DENND10: variants seen among roughly 807,000 people sequenced by gnomAD.
The protein encoded by DENND10 is DENN domain-containing protein 10.
A neutral mutation model predicts 43.6 loss-of-function variants in DENND10; 24 were observed. The observed-to-expected ratio is 0.55, with a 90% CI of 0.40 to 0.77. The LOEUF (loss-of-function observed/expected upper bound fraction) is 0.77, where lower values mean the gene tolerates loss of function less well. DENND10 is among the 30% of genes least tolerant of loss of function. DENND10 has a pLI of 0.00. For synonymous variants in DENND10, 125 were observed against 157.6 expected (o/e 0.79, Z 1.55); for missense variants, 303 against 429.9 (o/e 0.70, Z 2.61).
chr10:119,120,233 G>A lies in DENND10; in HGVS notation c.482-108G>A, dbSNP rs141217846. 1,510 of 633,020 alleles carry A rather than the reference G, an allele frequency of 2.4e-3. 17 individuals carry two copies. The African/African-American group carries it at 0.025, about 10-fold the overall frequency. The allele number at this position is 633,020 out of a possible 1,614,324, so 39.2% of individuals were successfully genotyped here. A position where few individuals can be genotyped will look rare whatever the true frequency, so the allele number is the denominator to read the frequency against. ...ACTGCATTCCAGCCTGGGTGACAGA[G>A]TGAGACTCGGTCTCAAAAAAAAAAG... On this transcript the variant is annotated intron_variant, in intron 4 of 8. Coordinates refer to ENST00000361432, the MANE Select transcript of DENND10 (RefSeq NM_207009.4).
intron 3 of DENND10, chr10:119,114,283 C>CACACAG (rs1845135736): frequency 6.6e-6 from 1 of 152,184 alleles, no homozygotes; most frequent in African/African-American, 2.4e-5. Flanking sequence ...CACACACACA[C>CACACAG]ACACACAGGT....
At chr10:119,130,910 C>T (rs1846057429) in intron 7 of DENND10, among the ~76,000 whole-genome samples, 1 of 152,238 alleles carries the variant, frequency 6.6e-6, no homozygotes, top group Non-Finnish European at 1.5e-5. Context: ...CCATTACTTC[C>T]TCCATATGCT....
At chr10:119,130,312 C>CA in intron 7 of DENND10, among the ~76,000 whole-genome samples, 1 of 152,304 alleles carries the variant, frequency 6.6e-6, no homozygotes, top group Non-Finnish European at 1.5e-5. Flanking sequence ...AGGCACCCGC[C>CA]ACCGCACCCA....
Position 119,117,679 on chromosome 10 carries a change from A to C in DENND10, c.481+12A>C. The C allele has an allele frequency of 2.5e-6, 4 of 1,613,216 alleles. No homozygotes were observed. Among genetic ancestry groups the C allele is most frequent in the Non-Finnish European group, 3.4e-6 (4 of 1,179,702 alleles). On this transcript the variant is annotated intron_variant, in intron 4 of 8. Coordinates refer to ENST00000361432, the MANE Select transcript of DENND10 (RefSeq NM_207009.4). ...TGGCTCCATCAAAGGTAAGAAGGGAAAAAACAGGCCAGGGACGGTGGCTCA... is the reference window on the plus strand; with the variant it reads ...TGGCTCCATCAAAGGTAAGAAGGGACAAAACAGGCCAGGGACGGTGGCTCA...
intron 2 of DENND10, among the ~76,000 whole-genome samples, chr10:119,110,114 A>G (rs1036873392): frequency 2.0e-5 from 3 of 152,078 alleles, no homozygotes; most frequent in Non-Finnish European, 4.4e-5. Context: ...CACCTGGCCA[A>G]AAAGATAGGT....
At chr10:119,106,532 G>T (rs1022468177) in intron 1 of DENND10, among the ~76,000 whole-genome samples, 10 of 152,106 alleles carry the variant, frequency 6.6e-5, no homozygotes, top group African/African-American at 2.4e-4. Context: ...TTGTAGAGAT[G>T]CGGTCTCACT....
chr10:119,112,551 G>A (rs557329141), intron 3 of DENND10, among the ~76,000 whole-genome samples: 5 of 145,230 alleles, frequency 3.4e-5, no homozygotes, highest in South Asian at 4.3e-4. Context: ...GGAGTGCAGC[G>A]GCTTCATCAT....
intron 1 of DENND10, chr10:119,104,798 C>G (rs937255243): frequency 3.3e-5 from 5 of 152,534 alleles, no homozygotes; most frequent in Non-Finnish European, 7.3e-5. Context: ...TGGGAAACGT[C>G]TGACGCCCAC....
intron 3 of DENND10, among the ~76,000 whole-genome samples, chr10:119,115,618 T>A (rs1164626364): frequency 6.7e-6 from 1 of 148,832 alleles, no homozygotes; most frequent in Non-Finnish European, 1.5e-5. Context: ...CTCGATCTCC[T>A]GACCTCGTGA....
Position 119,137,495 on chromosome 10 carries a change from G to T in DENND10, c.*848G>T, listed in dbSNP as rs1371895374. ...CTACAGGGGCCAAAACCAGAGAAAGGCTTCCAGCAACTTCGATGAAAGTAG... is the reference window on the plus strand; with the variant it reads ...CTACAGGGGCCAAAACCAGAGAAAGTCTTCCAGCAACTTCGATGAAAGTAG... On this transcript the variant is annotated 3_prime_UTR_variant, in exon 9 of 9. Transcript: ENST00000361432. 1 of 166,942 alleles carries T rather than the reference G, an allele frequency of 6.0e-6. No homozygotes were observed. The highest frequency in any genetic ancestry group is 2.4e-5 in the African/African-American group (1 of 41,400). 10.3% of individuals were successfully genotyped at this position (166,942 alleles called of 1,614,324 possible). A position where few individuals can be genotyped will look rare whatever the true frequency, so the allele number is the denominator to read the frequency against.
chr10:119,106,397 T>C (rs1391805684), intron 1 of DENND10, among the ~76,000 whole-genome samples: 1 of 152,218 alleles, frequency 6.6e-6, no homozygotes, highest in Non-Finnish European at 1.5e-5. Context: ...TAGGCTGGAA[T>C]GCAGTGGTGC....
chr10:119,130,124 C>G (rs1846015311), intron 7 of DENND10, among the ~76,000 whole-genome samples: 1 of 151,896 alleles, frequency 6.6e-6, no homozygotes. Context: ...CATGTCTCAG[C>G]CTCCCGAGTA....
chr10:119,136,142 C>T (rs1589611365), intron 8 of DENND10, among the ~76,000 whole-genome samples: 1 of 152,298 alleles, frequency 6.6e-6, no homozygotes, highest in Non-Finnish European at 1.5e-5. Flanking sequence ...TGAACCACTG[C>T]ACTGCAACCT....
chr10:119,130,678 C>T lies in DENND10; in HGVS notation c.802+1056C>T, dbSNP rs923735647. On this transcript the variant is annotated intron_variant, in intron 7 of 8. Transcript: ENST00000361432. ...AGTTTGGCTCAGGAAGTTTCAGTCA[C>T]GATATCCCAGAGCCACAGTCATCTG... is the stretch of plus-strand genomic sequence containing the variant. Among the ~76,000 whole-genome samples, 10 of 152,186 alleles carry T rather than the reference C, an allele frequency of 6.6e-5. No individual in the cohort carries two copies. The South Asian group carries it at 8.3e-4, about 13-fold the overall frequency.
intron 8 of DENND10, chr10:119,133,759 C>G (rs1232615968): frequency 6.6e-6 from 1 of 152,350 alleles, no homozygotes; most frequent in African/African-American, 2.4e-5. Flanking sequence ...CCCTGAGGAC[C>G]TGAACACTGG....
In DENND10 at chr10:119,136,752, C is replaced by G; in HGVS notation, c.*105C>G. 1 of 580,916 alleles carries G rather than the reference C, an allele frequency of 1.7e-6. No individual in the cohort carries two copies. The highest frequency in any genetic ancestry group is 2.6e-5 in the South Asian group (1 of 38,960). The allele number at this position is 580,916 out of a possible 1,614,324, so 36.0% of individuals were successfully genotyped here. A position where few individuals can be genotyped will look rare whatever the true frequency, so the allele number is the denominator to read the frequency against. On this transcript the variant is annotated 3_prime_UTR_variant, in exon 9 of 9. Coordinates refer to ENST00000361432, the MANE Select transcript of DENND10 (RefSeq NM_207009.4). ...GAAAATAACAGAGAAACTGTTATATCTTTTTAATGATTTATTTGCAAGTAT... is the reference window on the plus strand; with the variant it reads ...GAAAATAACAGAGAAACTGTTATATGTTTTTAATGATTTATTTGCAAGTAT...
chr10:119,132,048 C>T lies in DENND10; in HGVS notation c.803-467C>T, dbSNP rs189111570. ...AGGCTAACTTAGGTGGTTTCCTTTG[C>T]TCATTTCTAAGAATCTAAACGAATT... On this transcript the variant is annotated intron_variant, in intron 7 of 8. Transcript: ENST00000361432. This position sits in a 1 kb window ranked among gnomAD's most constrained non-coding sequence, Gnocchi z 4.2. Among the ~76,000 whole-genome samples the T allele has an allele frequency of 6.6e-6, 1 of 152,334 alleles. No homozygotes were observed. Among genetic ancestry groups the T allele is most frequent in the Admixed American group, 6.5e-5 (1 of 15,298 alleles).
chr10:119,112,493 C>CTTTTTTTTT (rs1353576739), intron 3 of DENND10, among the ~76,000 whole-genome samples: 3 of 133,500 alleles, frequency 2.2e-5, no homozygotes, highest in Admixed American at 7.6e-5. Context: ...TTTTCTTTTT[C>CTTTTTTTTT]TTTTTTTTTT....
intron 7 of DENND10, among the ~76,000 whole-genome samples, chr10:119,130,089 A>G (rs748443581): frequency 1.1e-4 from 17 of 148,110 alleles, no homozygotes; most frequent in African/African-American, 4.0e-4. Flanking sequence ...ACTGCAGCCT[A>G]TGCCTCCCGG....
Sources: allele counts gnomAD v4.1 joint callset (sites outside exome capture counted in the v4.1 genomes callset), GRCh38; gene constraint gnomAD v4.1.1; non-coding constraint Gnocchi (gnomAD v3.1); transcripts MANE v1.5; gene names NCBI Gene and HGNC (gene_info 2026-07-23, HGNC 2026-07-21).